FARSB: variants seen among roughly 807,000 people sequenced by gnomAD.
The protein encoded by FARSB is phenylalanyl-tRNA synthetase subunit beta, also known as phenylalanine--tRNA ligase beta subunit.
FARSB carries 40 observed loss-of-function variants against 69.6 expected under a neutral mutation model. The observed-to-expected ratio is 0.57, with a 90% CI of 0.45 to 0.75. The LOEUF is 0.75. Among genes scored for constraint, FARSB ranks in the 30% least tolerant of loss-of-function variants. The probability of loss-of-function intolerance (pLI) is 0.00; values close to 1 mark genes in which losing one functional copy is unlikely to be tolerated. For missense variants in FARSB, 632 were observed against 722.9 expected (o/e 0.87, Z 1.44); for synonymous variants, 235 against 247.2 (o/e 0.95, Z 0.46).
At chr2:222,572,269 C>T (rs978075894) in intron 16 of FARSB, among the ~76,000 whole-genome samples, 2 of 151,992 alleles carry the variant, frequency 1.3e-5, no homozygotes, top group African/African-American at 4.8e-5. Context: ...TAACAGGGAC[C>T]CGAGCAGGAA....
chr2:222,639,626 C>T lies in FARSB; in HGVS notation c.409G>A (p.Asp137Asn), dbSNP rs138598722. ...TTCTCCTGAAGTTCAATGAAGCTGTCATATCGATCTTTAGTAAACTTTATA... is the reference window on the plus strand; with the variant it reads ...TTCTCCTGAAGTTCAATGAAGCTGTTATATCGATCTTTAGTAAACTTTATA... ...RNIKFTKDRY[D>N]SFIELQEKLH... The change falls in exon 5 of 17, where the codon GAC becomes AAC. Residue 137 changes from aspartate to asparagine, a missense_variant. Transcript: ENST00000281828. 6.3e-7 allele frequency: 1 copy of T among 1,596,480 alleles called. No homozygotes were observed. The highest frequency in any genetic ancestry group is 8.5e-7 in the Non-Finnish European group (1 of 1,169,640).
intron 1 of FARSB, among the ~76,000 whole-genome samples, chr2:222,652,877 A>G (rs1692074270): frequency 1.3e-5 from 2 of 152,260 alleles, no homozygotes; most frequent in Admixed American, 1.3e-4. Flanking sequence ...ACTAAGTGGT[A>G]CAGAACTATT....
At chr2:222,618,317 T>C (rs1295209179) in intron 14 of FARSB, among the ~76,000 whole-genome samples, 1 of 152,200 alleles carries the variant, frequency 6.6e-6, no homozygotes, top group African/African-American at 2.4e-5. Context: ...GAATTCTTTT[T>C]AGAACTAACC....
At chr2:222,619,938 A>G (rs901011669) in intron 13 of FARSB, among the ~76,000 whole-genome samples, 1 of 152,216 alleles carries the variant, frequency 6.6e-6, no homozygotes. Context: ...TAAGCTAACA[A>G]TAAATACACA....
At chr2:222,611,611 C>T (rs1690855829) in intron 15 of FARSB, among the ~76,000 whole-genome samples, 1 of 152,084 alleles carries the variant, frequency 6.6e-6, no homozygotes, top group Admixed American at 6.5e-5. Flanking sequence ...ACACACCTGG[C>T]CACCTAGGTG....
chr2:222,619,339 G>T (rs1197665919), intron 14 of FARSB, among the ~76,000 whole-genome samples: 19 of 135,330 alleles, frequency 1.4e-4, no homozygotes, highest in Admixed American at 1.4e-4. Context: ...AAAAAAAAAT[G>T]AAATCTGAAA....
chr2:222,599,710 A>G (rs997431002), intron 16 of FARSB, among the ~76,000 whole-genome samples: 5 of 152,218 alleles, frequency 3.3e-5, no homozygotes, highest in African/African-American at 1.2e-4. Context: ...AGTTGGAACG[A>G]AAGTATACTG....
Position 222,633,216 on chromosome 2 carries a change from A to G in FARSB, c.698T>C (p.Met233Thr). ...TAACTCACCATTGATGATGGGAGGC[A>G]TTGAAAGGACGACACCATTGCTATC... ...IYDSNGVVLS[M>T]PPIINGDHSR... Residue 233 changes from methionine (M) to threonine (T), a missense_variant, in exon 7 of 17, where the codon ATG becomes ACG. Coordinates refer to ENST00000281828, the MANE Select transcript of FARSB (RefSeq NM_005687.5). 6.6e-7 allele frequency: 1 copy of G among 1,521,906 alleles called. No homozygotes were observed. The highest frequency in any genetic ancestry group is 9.1e-7 in the Non-Finnish European group (1 of 1,096,666). 94.3% of individuals were successfully genotyped at this position (1,521,906 alleles called of 1,614,324 possible).
intron 16 of FARSB, among the ~76,000 whole-genome samples, chr2:222,593,098 C>T (rs1418369323): frequency 1.3e-5 from 2 of 152,018 alleles, no homozygotes; most frequent in African/African-American, 4.8e-5. Flanking sequence ...GGAATGTATA[C>T]CCTGCAGATA....
Position 222,642,898 on chromosome 2 carries a change from G to A in FARSB, c.222C>T (p.Leu74=). 6.2e-7 allele frequency: 1 copy of A among 1,613,052 alleles called. No individual in the cohort carries two copies. The highest frequency in any genetic ancestry group is 8.5e-7 in the Non-Finnish European group (1 of 1,179,256). Residue 74 remains leucine, a synonymous_variant, in exon 3 of 17, where the codon CTC becomes CTT. Transcript: ENST00000281828. The part of the protein sequence containing the change: ...KIDVPANRYD[L]LCLEGLVRGL... ...CTCGAACCAATCCTTCCAGACACAG[G>A]AGATCATATCTATTGGCAGGGACGT...
chr2:222,574,136 A>G (rs73071946), intron 16 of FARSB, among the ~76,000 whole-genome samples: 115 of 151,678 alleles, frequency 7.6e-4, no homozygotes, highest in African/African-American at 2.7e-3. Flanking sequence ...TTTTTACTTC[A>G]TAAAACAACT....
At chr2:222,611,108 A>G (rs979556807) in intron 15 of FARSB, among the ~76,000 whole-genome samples, 12 of 152,172 alleles carry the variant, frequency 7.9e-5, no homozygotes, top group African/African-American at 2.7e-4. Flanking sequence ...AAGCAAACCT[A>G]TGTTTTCAAG....
At chr2:222,574,783 G>T (rs1453403362) in intron 16 of FARSB, among the ~76,000 whole-genome samples, 2 of 152,058 alleles carry the variant, frequency 1.3e-5, no homozygotes, top group Non-Finnish European at 2.9e-5. Flanking sequence ...TTTTCTTATC[G>T]ACTCCTCTTT....
At position 222,567,154 on chromosome 2, in the gene FARSB, TA is replaced by T. The variant is rs1264961621; in HGVS notation, c.*4716del. 6.6e-6 allele frequency: 1 copy of T among 152,254 alleles called. No homozygotes were observed. Among genetic ancestry groups the T allele is most frequent in the Non-Finnish European group, 1.5e-5 (1 of 68,052 alleles). 9.4% of individuals were successfully genotyped at this position (152,254 alleles called of 1,614,324 possible). A position where few individuals can be genotyped will look rare whatever the true frequency, so the allele number is the denominator to read the frequency against. ...TCCCTCTCATGACCTCATCTAGCTC[TA>T]ATCACCTGCCAAAGGCCTCATCTCC... On this transcript the variant is annotated 3_prime_UTR_variant, in exon 17 of 17. Coordinates refer to ENST00000281828, the MANE Select transcript of FARSB (RefSeq NM_005687.5).
chr2:222,648,608 A>C lies in FARSB; in HGVS notation c.114+132T>G, dbSNP rs992514410. On this transcript the variant is annotated intron_variant, in intron 2 of 16. Transcript: ENST00000281828. ...AGACATGGAGCTTAGCCCTCTGAAC[A>C]CAGAAATCATGGCCCACAAACATTA... 16 of 703,938 alleles carry C rather than the reference A, an allele frequency of 2.3e-5. No individual in the cohort carries two copies. The Admixed American group carries it at 3.5e-4, about 16-fold the overall frequency. The allele number at this position is 703,938 out of a possible 1,614,324, so 43.6% of individuals were successfully genotyped here.
intron 16 of FARSB, among the ~76,000 whole-genome samples, chr2:222,573,588 ACT>A (rs934443093): frequency 5.9e-5 from 9 of 152,132 alleles, no homozygotes; most frequent in African/African-American, 2.2e-4. Context: ...AAAAGACAAA[ACT>A]CTCCTCCCCT....
chr2:222,596,865 A>C (rs943793121), intron 16 of FARSB, among the ~76,000 whole-genome samples: 1 of 152,078 alleles, frequency 6.6e-6, no homozygotes, highest in Admixed American at 6.6e-5. Context: ...CTTAATACCA[A>C]CTTTATTACT....
At chr2:222,630,056 CA>C in intron 9 of FARSB, 56 bp downstream of exon 9, 1 of 1,073,484 alleles carries the variant, frequency 9.3e-7, no homozygotes, top group Non-Finnish European at 1.4e-6. Flanking sequence ...TTACATTTAG[CA>C]CAAAGCCTCG....
chr2:222,618,806 C>T (rs901754610), intron 14 of FARSB, among the ~76,000 whole-genome samples: 2 of 152,150 alleles, frequency 1.3e-5, no homozygotes, highest in African/African-American at 4.8e-5. Flanking sequence ...TACGAAGGAA[C>T]TGGGAACAGG....
Sources: gnomAD v4.1 joint callset for allele counts (sites outside exome capture counted in the v4.1 genomes callset) on GRCh38, gnomAD v4.1.1 for gene constraint, MANE v1.5 for transcripts, NCBI Gene and HGNC (gene_info 2026-07-23, HGNC 2026-07-21) for gene names.